EIF2AK1: variants seen among roughly 807,000 people sequenced by gnomAD.
The protein encoded by EIF2AK1 is eukaryotic translation initiation factor 2 alpha kinase 1, also known as eukaryotic translation initiation factor 2-alpha kinase 1.
In EIF2AK1, 54 loss-of-function variants were observed where a neutral mutation model predicts 77.9. That is an observed-to-expected ratio of 0.69 (90% confidence interval 0.56 to 0.87). EIF2AK1 has a LOEUF of 0.87. Among genes scored for constraint, EIF2AK1 ranks in the 40% least tolerant of loss-of-function variants. The pLI, the probability that EIF2AK1 is intolerant of heterozygous loss-of-function variation, is 0.00. For missense variants in EIF2AK1, 810 were observed against 768.6 expected, an observed-to-expected ratio of 1.05 and a Z score of -0.64; for synonymous variants, 314 against 290.5, an observed-to-expected ratio of 1.08 and a Z score of -0.82.
At chr7:6,031,694 G>C in intron 11 of EIF2AK1, 1 of 1,125,324 alleles carries the variant, frequency 8.9e-7, no homozygotes, top group East Asian at 2.7e-5. Context: ...GCCCTTATGA[G>C]AATGAGACAC....
At chr7:6,043,611 T>G (rs994605677) in intron 7 of EIF2AK1, among the ~76,000 whole-genome samples, 3 of 151,416 alleles carry the variant, frequency 2.0e-5, no homozygotes, top group Admixed American at 2.0e-4. Context: ...GTATTTTTAT[T>G]AGAGATGGGG....
rs1788318125 is a variant in EIF2AK1, at chr7:6,042,198, C to A, written c.791+735G>T. Among the ~76,000 whole-genome samples the A allele has an allele frequency of 2.6e-5, 4 of 151,922 alleles. No individual in the cohort carries two copies. In the South Asian group the frequency reaches 8.3e-4, roughly 32 times the overall value. On this transcript the variant is annotated intron_variant, in intron 8 of 14. Transcript: ENST00000199389. ...AGGTGCAGTGGCTCACAACTGTAAT[C>A]CCAGCACTTTGGGAGGCCAAGGCAG...
At position 6,032,894 on chromosome 7, in the gene EIF2AK1, G is replaced by A. The variant is rs1342926818; in HGVS notation, c.1333-3862C>T. ...GCTGCCAAGTACCACAAGGCCCAGA[G>A]TCTGCTCTGCCTGTTACGGCACGGT... On this transcript the variant is annotated intron_variant, in intron 11 of 14. Transcript: ENST00000199389. This position sits in a 1 kb window ranked among gnomAD's most constrained non-coding sequence, Gnocchi z 4.3. 13 of 1,550,916 alleles carry A rather than the reference G, an allele frequency of 8.4e-6. No individual in the cohort carries two copies. Among genetic ancestry groups the A allele is most frequent in the Non-Finnish European group, 1.1e-5 (13 of 1,147,046 alleles).
chr7:6,026,673 G>C, intron 14 of EIF2AK1, 55 bp downstream of exon 14: 3 of 1,430,582 alleles, frequency 2.1e-6, no homozygotes, highest in Non-Finnish European at 3.0e-6. Flanking sequence ...CCTTCCCCAA[G>C]AGAGGCAATA....
In EIF2AK1 at chr7:6,050,029, A is replaced by T. The variant is rs756129482; in HGVS notation, c.294T>A (p.Phe98Leu). 6.2e-7 allele frequency: 1 copy of T among 1,608,346 alleles called. No homozygotes were observed. Among genetic ancestry groups the T allele is most frequent in the Non-Finnish European group, 8.5e-7 (1 of 1,178,494 alleles). ...RQVFKLLCQT[F>L]IKMGLLSSFT... ...AAGAAGACAGCAGCCCCATTTTGAT[A>T]AACGTCTGGCAAAGTACTATAAAAA... The change falls in exon 3 of 15, where the codon TTT becomes TTA. Residue 98 changes from phenylalanine to leucine, a missense_variant. Coordinates refer to ENST00000199389, the MANE Select transcript of EIF2AK1 (RefSeq NM_014413.4).
intron 7 of EIF2AK1, among the ~76,000 whole-genome samples, chr7:6,044,121 A>G (rs1475987134): frequency 6.6e-6 from 1 of 151,860 alleles, no homozygotes; most frequent in Non-Finnish European, 1.5e-5. Flanking sequence ...AGAAAAAAAT[A>G]ATTTCACATA....
Position 6,035,542 on chromosome 7 carries a change from TGACA to T in EIF2AK1, c.1332+1878_1332+1881del, listed in dbSNP as rs1301916641. The T allele has an allele frequency of 3.2e-6, 5 of 1,551,088 alleles. No individual in the cohort carries two copies. The highest frequency in any genetic ancestry group is 3.5e-6 in the Non-Finnish European group (4 of 1,147,136). On this transcript the variant is annotated intron_variant, in intron 11 of 14. Coordinates refer to ENST00000199389, the MANE Select transcript of EIF2AK1 (RefSeq NM_014413.4). This position sits in a 1 kb window ranked among gnomAD's most constrained non-coding sequence, Gnocchi z 5.5. ...CCAGGCAACAGAACGCACAGGATCCTGACAGACATTCAGAATAGCAGCATCACAT... is the reference window on the plus strand; with the variant it reads ...CCAGGCAACAGAACGCACAGGATCCTGACATTCAGAATAGCAGCATCACAT...
chr7:6,026,966 A>G lies in EIF2AK1; in HGVS notation c.1531-5T>C. ...ACCCAAGCTGTACATATCTGACTGGAAAAAGAAAAAAAGGGGAACTCAGTA... is the reference window on the plus strand; with the variant it reads ...ACCCAAGCTGTACATATCTGACTGGGAAAAGAAAAAAAGGGGAACTCAGTA... On this transcript the variant is annotated splice_polypyrimidine_tract_variant and splice_region_variant and intron_variant, in intron 13 of 14. Transcript: ENST00000199389. 6.2e-7 allele frequency: 1 copy of G among 1,607,494 alleles called. No homozygotes were observed. The highest frequency in any genetic ancestry group is 8.5e-7 in the Non-Finnish European group (1 of 1,174,770).
At chr7:6,055,283 C>A (rs956836689) in intron 1 of EIF2AK1, among the ~76,000 whole-genome samples, 2 of 128,320 alleles carry the variant, frequency 1.6e-5, no homozygotes, top group Non-Finnish European at 3.1e-5. Flanking sequence ...GCAGAAGTTG[C>A]GGTGAGCCGA....
In EIF2AK1 at chr7:6,038,592, T is replaced by A. The variant is rs776102512; in HGVS notation, c.1199A>T (p.Lys400Met). Residue 400 changes from lysine (K) to methionine (M), a missense_variant, in exon 10 of 15, where the codon AAG (lysine) becomes ATG (methionine). Around this residue, in one of 3 missense-constraint regions of EIF2AK1, gnomAD observed 549 missense variants for 533.7 expected, o/e 1.03. Transcript: ENST00000199389. Reference sequence around the variant, plus strand: ...CTCGTCCACATACTCCCGGCCCCGCTTGTTTCTCTCGACTATCCAATCCCA... The same window carrying A: ...CTCGTCCACATACTCCCGGCCCCGCATGTTTCTCTCGACTATCCAATCCCA... The part of the protein sequence containing the change: ...SLWDWIVERN[K>M]RGREYVDESA... The A allele has an allele frequency of 2.5e-6, 4 of 1,613,054 alleles. No individual in the cohort carries two copies. Among genetic ancestry groups the A allele is most frequent in the Non-Finnish European group, 3.4e-6 (4 of 1,179,514 alleles).
At chr7:6,040,381 T>C (rs2128889028) in intron 9 of EIF2AK1, among the ~76,000 whole-genome samples, 1 of 152,178 alleles carries the variant, frequency 6.6e-6, no homozygotes, top group South Asian at 2.1e-4. Context: ...TATTACTACT[T>C]AAAATACTGG....
chr7:6,032,058 C>A lies in EIF2AK1; in HGVS notation c.1333-3026G>T, dbSNP rs1448209280. ...GCTTGGTGGCAGGAGCCTGTAATCTCAGCTACTCGGACGGCTGAGGCAGGA... is the reference window on the plus strand; with the variant it reads ...GCTTGGTGGCAGGAGCCTGTAATCTAAGCTACTCGGACGGCTGAGGCAGGA... On this transcript the variant is annotated intron_variant, in intron 11 of 14. Coordinates refer to ENST00000199389, the MANE Select transcript of EIF2AK1 (RefSeq NM_014413.4). This position sits in a 1 kb window ranked among gnomAD's most constrained non-coding sequence, Gnocchi z 4.3. Among the ~76,000 whole-genome samples the A allele has an allele frequency of 1.3e-5, 2 of 152,090 alleles. No individual in the cohort carries two copies. The highest frequency in any genetic ancestry group is 2.9e-5 in the Non-Finnish European group (2 of 68,026).
Position 6,035,506 on chromosome 7 carries a change from C to G in EIF2AK1, c.1332+1918G>C. 1.3e-6 allele frequency: 2 copies of G among 1,551,140 alleles called. No homozygotes were observed. Among genetic ancestry groups the G allele is most frequent in the South Asian group, 1.2e-5 (1 of 84,058 alleles). ...CTGCACTGGCCAGTCACTTCCACCA[C>G]GTGGGCAAAACCAGGCAACAGAACG... On this transcript the variant is annotated intron_variant, in intron 11 of 14. Transcript: ENST00000199389. The surrounding 1 kb of genome is among the most constrained non-coding windows in gnomAD (Gnocchi z 5.5).
At chr7:6,057,860 C>T (rs749088845) in intron 1 of EIF2AK1, among the ~76,000 whole-genome samples, 1 of 152,108 alleles carries the variant, frequency 6.6e-6, no homozygotes, top group Non-Finnish European at 1.5e-5. Flanking sequence ...GAACTCCTGA[C>T]CTCAGGTGAT....
intron 9 of EIF2AK1, 77 bp from the exon 10 acceptor site, chr7:6,038,748 C>T: frequency 8.2e-7 from 1 of 1,224,928 alleles, no homozygotes; most frequent in Non-Finnish European, 1.2e-6. Flanking sequence ...AAATATTAAT[C>T]TGCCTATTCT....
chr7:6,042,903 G>A (rs778887360), intron 8 of EIF2AK1, 30 bp downstream of exon 8: 2 of 1,585,596 alleles, frequency 1.3e-6, no homozygotes, highest in Non-Finnish European at 1.7e-6. Flanking sequence ...GGTGACAAGA[G>A]GTAATGTCCT....
rs1162529132 is a variant in EIF2AK1, at chr7:6,048,810, A to G, written c.446T>C (p.Ile149Thr). 9 of 1,585,860 alleles carry G rather than the reference A, an allele frequency of 5.7e-6. No homozygotes were observed. Among genetic ancestry groups the G allele is most frequent in the Non-Finnish European group, 6.8e-6 (8 of 1,172,104 alleles). The change falls in exon 4 of 15, where the codon ATC becomes ACC. Residue 149 changes from isoleucine to threonine, a missense_variant. This residue lies in a region of EIF2AK1 where 246 missense variants were observed against 199.0 expected (regional missense o/e 1.24). Coordinates refer to ENST00000199389, the MANE Select transcript of EIF2AK1 (RefSeq NM_014413.4). ...PCEDISRIQKIRSREVALEAQ... is the reference protein window; with the variant it reads ...PCEDISRIQKTRSREVALEAQ... ...CAAGAAAGTTTTTCACACATACCTGATTTTCTGGATACGAGAAATATCCTC... is the reference window on the plus strand; with the variant it reads ...CAAGAAAGTTTTTCACACATACCTGGTTTTCTGGATACGAGAAATATCCTC...
chr7:6,056,598 G>GA (rs1181376161), intron 1 of EIF2AK1, among the ~76,000 whole-genome samples: 4,414 of 48,814 alleles, frequency 0.09, 508 homozygotes, highest in African/African-American at 0.17. Flanking sequence ...CATCTCAAGG[G>GA]AAAAAAAAAA....
At chr7:6,050,714 T>C (rs1053281547) in intron 2 of EIF2AK1, among the ~76,000 whole-genome samples, 3 of 151,058 alleles carry the variant, frequency 2.0e-5, no homozygotes, top group East Asian at 1.9e-4. Flanking sequence ...GCCATTCTCC[T>C]GCCTCAGCCT....
Sources: gnomAD v4.1 joint callset for allele counts (sites outside exome capture counted in the v4.1 genomes callset) on GRCh38, gnomAD v4.1.1 for gene constraint, gnomAD v4.1.1 regional missense constraint, Gnocchi (gnomAD v3.1) non-coding constraint, MANE v1.5 for transcripts, NCBI Gene and HGNC (gene_info 2026-07-23, HGNC 2026-07-21) for gene names.